TTLL5: variants seen among roughly 807,000 people sequenced by gnomAD.
TTLL5 encodes the protein tubulin polyglutamylase TTLL5.
A neutral mutation model predicts 168.4 loss-of-function variants in TTLL5; 132 were observed. The ratio of observed to expected loss-of-function variants is 0.78; its 90% CI spans 0.68 to 0.91. TTLL5 has a LOEUF of 0.91. TTLL5 is among the 40% of genes least tolerant of loss of function. The pLI, the probability that TTLL5 is intolerant of heterozygous loss-of-function variation, is 0.00. For synonymous variants in TTLL5, 546 were observed against 558.6 expected (o/e 0.98, Z 0.32); for missense variants, 1,545 against 1,581.5 (o/e 0.98, Z 0.39).
At chr14:75,672,565 C>T (rs2140097625) in intron 3 of TTLL5, among the ~76,000 whole-genome samples, 1 of 152,228 alleles carries the variant, frequency 6.6e-6, no homozygotes, top group Non-Finnish European at 1.5e-5. Context: ...TTTTGTTGAA[C>T]ATTTTTTGTC....
At chr14:75,720,539 G>A in intron 11 of TTLL5, 57 bp from the exon 12 acceptor site, 1 of 1,259,420 alleles carries the variant, frequency 7.9e-7, no homozygotes, top group Non-Finnish European at 1.2e-6. Flanking sequence ...CTGGAATCCA[G>A]TTCATAATCC....
At chr14:75,950,085 GTGAT>G (rs2034912312) in intron 31 of TTLL5, among the ~76,000 whole-genome samples, 1 of 152,178 alleles carries the variant, frequency 6.6e-6, no homozygotes, top group Admixed American at 6.5e-5. Flanking sequence ...TTAAGAGAAT[GTGAT>G]ATTGACACAA....
At chr14:75,717,511 T>A (rs1482651376) in intron 9 of TTLL5, among the ~76,000 whole-genome samples, 1 of 152,220 alleles carries the variant, frequency 6.6e-6, no homozygotes, top group Non-Finnish European at 1.5e-5. Context: ...TTTTCATTCT[T>A]CCTATTGGTG....
chr14:75,720,682 C>A lies in TTLL5; in HGVS notation c.1021C>A (p.Pro341Thr). ...TGCTACTGCCTGTAAAACCTTTGTTCCTCATCGCAGCAGTTGTTTTGGTAA... is the reference window on the plus strand; with the variant it reads ...TGCTACTGCCTGTAAAACCTTTGTTACTCATCGCAGCAGTTGTTTTGGTAA... Reference protein sequence around the residue: ...AIATACKTFVPHRSSCFELYG... With the variant: ...AIATACKTFVTHRSSCFELYG... The change falls in exon 12 of 32, where the codon CCT becomes ACT. Residue 341 changes from proline (P) to threonine (T), a missense_variant. Transcript: ENST00000298832. The A allele has an allele frequency of 6.2e-7, 1 of 1,613,484 alleles. No homozygotes were observed. Among genetic ancestry groups the A allele is most frequent in the South Asian group, 1.1e-5 (1 of 91,046 alleles).
At chr14:75,791,475 T>A (rs946283499) in intron 26 of TTLL5, among the ~76,000 whole-genome samples, 5 of 152,116 alleles carry the variant, frequency 3.3e-5, no homozygotes, top group Non-Finnish European at 7.4e-5. Flanking sequence ...TTTTTGTAGA[T>A]CTCAAAAACG....
At chr14:75,929,865 T>C (rs1357343082) in intron 31 of TTLL5, among the ~76,000 whole-genome samples, 1 of 152,202 alleles carries the variant, frequency 6.6e-6, no homozygotes, top group East Asian at 1.9e-4. Flanking sequence ...CAAGTCCAAA[T>C]TGCTGGTAAT....
intron 31 of TTLL5, among the ~76,000 whole-genome samples, chr14:75,904,567 A>G (rs1200388732): frequency 6.6e-6 from 1 of 151,968 alleles, no homozygotes; most frequent in Non-Finnish European, 1.5e-5. Context: ...CTGTTTACTG[A>G]CTCTTGGTAA....
At chr14:75,837,037 CTG>C (rs1286646557) in intron 28 of TTLL5, 8 of 152,158 alleles carry the variant, frequency 5.3e-5, no homozygotes, top group African/African-American at 1.9e-4. Context: ...ATTTCAGCCT[CTG>C]TAGGTTTCTG....
At chr14:75,820,247 A>G (rs1280285635) in intron 28 of TTLL5, 86 bp downstream of exon 28, 3 of 1,407,546 alleles carry the variant, frequency 2.1e-6, no homozygotes, top group Non-Finnish European at 2.8e-6. Flanking sequence ...TGAGTTCTGT[A>G]TGGAGATAGC....
intron 31 of TTLL5, among the ~76,000 whole-genome samples, chr14:75,906,367 G>T (rs1033457219): frequency 6.6e-6 from 1 of 152,102 alleles, no homozygotes; most frequent in Non-Finnish European, 1.5e-5. Context: ...TAAGAATTTG[G>T]GTTGATCACC....
At chr14:75,775,339 T>TA in intron 21 of TTLL5, 145 bp from the exon 22 acceptor site, 1 of 910,286 alleles carries the variant, frequency 1.1e-6, no homozygotes. Context: ...TTCTTATACC[T>TA]AACCTTTTTG....
intron 27 of TTLL5, among the ~76,000 whole-genome samples, chr14:75,815,632 G>A (rs1894349674): frequency 1.3e-5 from 2 of 152,108 alleles, no homozygotes; most frequent in African/African-American, 2.4e-5. Context: ...AGGAAAAGCT[G>A]GTATAGTTTT....
intron 31 of TTLL5, among the ~76,000 whole-genome samples, chr14:75,925,212 G>A (rs557818570): frequency 4.7e-5 from 7 of 149,616 alleles, no homozygotes; most frequent in African/African-American, 1.2e-4. Flanking sequence ...CCTCCCGGAC[G>A]GGGCGGCTGG....
intron 31 of TTLL5, among the ~76,000 whole-genome samples, chr14:75,945,084 A>G (rs1035878906): frequency 1.3e-5 from 2 of 151,860 alleles, no homozygotes; most frequent in Non-Finnish European, 2.9e-5. Flanking sequence ...GCCAGCATAT[A>G]AAACCCCAAG....
chr14:75,717,817 T>A, intron 9 of TTLL5, 44 bp from the exon 10 acceptor site: 2 of 1,582,448 alleles, frequency 1.3e-6, no homozygotes, highest in East Asian at 2.2e-5. Flanking sequence ...CTGTATTTCC[T>A]TGAAACTCTG....
At position 75,914,840 on chromosome 14, in the gene TTLL5, G is replaced by A. The variant is rs112438094; in HGVS notation, c.3823+12616G>A. Among the ~76,000 whole-genome samples, 1,028 of 152,228 alleles carry A rather than the reference G, an allele frequency of 6.8e-3. 7 individuals carry two copies. The highest frequency in any genetic ancestry group is 0.011 in the Non-Finnish European group (754 of 68,020). On this transcript the variant is annotated intron_variant, in intron 31 of 31. Coordinates refer to ENST00000298832, the MANE Select transcript of TTLL5 (RefSeq NM_015072.5). ...GAGCTTCACTGTGTTAGCCAGGATG[G>A]TCTCGATCTCCTGACCTCGTGATCC...
intron 17 of TTLL5, among the ~76,000 whole-genome samples, chr14:75,751,399 A>G (rs1889945007): frequency 6.6e-6 from 1 of 152,096 alleles, no homozygotes. Flanking sequence ...CACTACTCTT[A>G]TCTTTTGGGG....
intron 31 of TTLL5, among the ~76,000 whole-genome samples, chr14:75,925,410 C>T (rs1410316715): frequency 5.1e-5 from 1 of 19,768 alleles, no homozygotes; most frequent in Non-Finnish European, 9.3e-5. Context: ...CCTCACATCC[C>T]AGACGGGGCG....
At chr14:75,743,296 C>T (rs983347698) in intron 15 of TTLL5, among the ~76,000 whole-genome samples, 4 of 152,096 alleles carry the variant, frequency 2.6e-5, no homozygotes, top group African/African-American at 4.8e-5. Flanking sequence ...AAAGATAAAA[C>T]CATCCATGGT....
Sources: gnomAD v4.1 joint callset for allele counts (sites outside exome capture counted in the v4.1 genomes callset) on GRCh38, gnomAD v4.1.1 for gene constraint, MANE v1.5 for transcripts, NCBI Gene and HGNC (gene_info 2026-07-23, HGNC 2026-07-21) for gene names.